The following DENND1B variants were observed in gnomAD, a reference collection of about 807,000 sequenced individuals.
DENND1B encodes the protein DENN domain-containing protein 1B.
Under a neutral mutation model 90.1 loss-of-function variants are expected in DENND1B, and 59 were observed. The ratio of observed to expected loss-of-function variants is 0.65; its 90% confidence interval spans 0.53 to 0.81. The LOEUF (loss-of-function observed/expected upper bound fraction) is 0.81. Among genes scored for constraint, DENND1B ranks in the 40% least tolerant of loss-of-function variants. The probability of loss-of-function intolerance (pLI) is 0.00; values close to 1 mark genes in which losing one functional copy is unlikely to be tolerated. For synonymous variants in DENND1B, 337 were observed against 324.6 expected (o/e 1.04, Z -0.41); for missense variants, 862 against 912.6 (o/e 0.94, Z 0.71).
intron 10 of DENND1B, among the ~76,000 whole-genome samples, chr1:197,618,134 G>C (rs541797354): frequency 2.0e-5 from 3 of 151,192 alleles, no homozygotes; most frequent in Non-Finnish European, 4.4e-5. Flanking sequence ...AATATAAGAT[G>C]ATTAAATATG....
intron 10 of DENND1B, among the ~76,000 whole-genome samples, chr1:197,621,817 T>A (rs1678195844): frequency 6.6e-6 from 1 of 151,436 alleles, no homozygotes; most frequent in Non-Finnish European, 1.5e-5. Context: ...CTGTTATAAT[T>A]TTCAGATAAA....
intron 2 of DENND1B, 36 bp downstream of exon 2, chr1:197,772,832 G>C (rs1309220489): frequency 8.5e-6 from 13 of 1,521,894 alleles, no homozygotes; most frequent in Non-Finnish European, 1.1e-5. Flanking sequence ...AAAAAAAAGA[G>C]ACCTTGTCAA....
rs2181857 is a variant in DENND1B at position 197,648,695 on chromosome 1, T to G, written c.448-1581A>C. Among the ~76,000 whole-genome samples the G allele has an allele frequency of 3.4e-4, 52 of 152,292 alleles. No homozygotes were observed. In the East Asian group the frequency reaches 9.8e-3, roughly 29 times the overall value. ...CTTGGTCTTTCTATTGTATTTCCAC[T>G]GACCATAAACCTTGGATTCTTTGGG... is the stretch of plus-strand genomic sequence containing the variant. On this transcript the variant is annotated intron_variant, in intron 7 of 22. Transcript: ENST00000620048.
chr1:197,643,225 G>C (rs1360374657), intron 9 of DENND1B, among the ~76,000 whole-genome samples: 1 of 151,752 alleles, frequency 6.6e-6, no homozygotes, highest in Admixed American at 6.6e-5. Flanking sequence ...TGAGATCTTG[G>C]CTCATTGCAA....
chr1:197,675,281 T>G (rs960985450), intron 3 of DENND1B, among the ~76,000 whole-genome samples: 1 of 152,168 alleles, frequency 6.6e-6, no homozygotes, highest in African/African-American at 2.4e-5. Flanking sequence ...TACATAAATA[T>G]AGCATTGAGT....
At chr1:197,638,664 T>G (rs936725609) in intron 10 of DENND1B, among the ~76,000 whole-genome samples, 1 of 152,188 alleles carries the variant, frequency 6.6e-6, no homozygotes, top group Non-Finnish European at 1.5e-5. Flanking sequence ...GATACCCCCT[T>G]GTAATATCAT....
At chr1:197,715,098 T>A in intron 2 of DENND1B, 24 bp from the exon 3 acceptor site, 1 of 1,600,950 alleles carries the variant, frequency 6.2e-7, no homozygotes, top group Non-Finnish European at 8.5e-7. Context: ...ACATGTATAA[T>A]TAAACAGCAG....
chr1:197,538,652 T>C (rs573276024), intron 20 of DENND1B, among the ~76,000 whole-genome samples: 27 of 146,356 alleles, frequency 1.8e-4, no homozygotes, highest in African/African-American at 6.1e-4. Flanking sequence ...ACTGAATTAA[T>C]GGGATTTTTT....
chr1:197,559,895 A>G (rs1367434637), intron 15 of DENND1B, among the ~76,000 whole-genome samples: 1 of 151,968 alleles, frequency 6.6e-6, no homozygotes, highest in African/African-American at 2.4e-5. Flanking sequence ...GCCTACAACA[A>G]GTGGGAATAA....
chr1:197,737,300 T>C (rs1262562702), intron 2 of DENND1B, among the ~76,000 whole-genome samples: 1 of 152,202 alleles, frequency 6.6e-6, no homozygotes, highest in African/African-American at 2.4e-5. Flanking sequence ...AACTTTCAGA[T>C]GCATAACAAT....
chr1:197,674,073 T>C (rs964130934), intron 4 of DENND1B, 47 bp downstream of exon 4: 3 of 1,275,978 alleles, frequency 2.4e-6, no homozygotes, highest in African/African-American at 3.0e-5. Context: ...TTTTCAAGTA[T>C]GTACTATAAG....
chr1:197,728,900 C>A (rs913414185), intron 2 of DENND1B, among the ~76,000 whole-genome samples: 8 of 152,096 alleles, frequency 5.3e-5, no homozygotes, highest in African/African-American at 1.7e-4. Context: ...CACTTCCTAC[C>A]CAATTCCATC....
chr1:197,564,048 T>A (rs1403087474), intron 15 of DENND1B, among the ~76,000 whole-genome samples: 1 of 151,928 alleles, frequency 6.6e-6, no homozygotes, highest in Non-Finnish European at 1.5e-5. Context: ...TTACTTCTTA[T>A]GGATGAGGAA....
intron 2 of DENND1B, among the ~76,000 whole-genome samples, chr1:197,724,169 T>C (rs2102285812): frequency 6.6e-6 from 1 of 152,204 alleles, no homozygotes; most frequent in Middle Eastern, 3.4e-3. Flanking sequence ...AATTCATGAA[T>C]AGAATCATAC....
intron 15 of DENND1B, among the ~76,000 whole-genome samples, chr1:197,561,228 T>C (rs969522730): frequency 2.6e-5 from 4 of 151,916 alleles, no homozygotes; most frequent in Admixed American, 1.3e-4. Context: ...TCAATCACAA[T>C]TTCTGTCTCA....
In DENND1B at chr1:197,658,284, G is replaced by C. The variant is rs760574151; in HGVS notation, c.366+16C>G. ...GTATTTTACCACAATTTAAAAATGG[G>C]GAAAAAATAGCTTACCAGTTCCTTA... On this transcript the variant is annotated intron_variant, in intron 6 of 22. Transcript: ENST00000620048. 3 of 1,590,554 alleles carry C rather than the reference G, an allele frequency of 1.9e-6. No homozygotes were observed. The highest frequency in any genetic ancestry group is 1.3e-5 in the African/African-American group (1 of 74,180).
At chr1:197,658,027 A>C (rs1430607367) in intron 6 of DENND1B, among the ~76,000 whole-genome samples, 1 of 152,192 alleles carries the variant, frequency 6.6e-6, no homozygotes, top group Non-Finnish European at 1.5e-5. Context: ...GAGTCCACTT[A>C]TATGAGATAC....
At chr1:197,651,101 T>TAC (rs1013821111) in intron 7 of DENND1B, among the ~76,000 whole-genome samples, 3 of 152,078 alleles carry the variant, frequency 2.0e-5, no homozygotes, top group African/African-American at 7.2e-5. Flanking sequence ...CCCTGTCTCA[T>TAC]AAAAACACAA....
chr1:197,780,986 C>T, the DENND1B span, among the ~76,000 whole-genome samples: 4 of 152,110 alleles, frequency 2.6e-5, no homozygotes, highest in African/African-American at 7.2e-5. Flanking sequence ...CCTGGCTTCC[C>T]AACCCCAACC....
Sources: gnomAD v4.1 joint callset for allele counts (sites outside exome capture counted in the v4.1 genomes callset) on GRCh38, gnomAD v4.1.1 for gene constraint, MANE v1.5 for transcripts, NCBI Gene and HGNC (gene_info 2026-07-23, HGNC 2026-07-21) for gene names.